PLEKHG5: variants seen among roughly 807,000 people sequenced by gnomAD.
PLEKHG5 encodes pleckstrin homology domain-containing family G member 5.
A neutral mutation model predicts 103.8 loss-of-function variants in PLEKHG5; 52 were observed. The ratio of observed to expected loss-of-function variants is 0.50; its 90% CI spans 0.40 to 0.63. The LOEUF (loss-of-function observed/expected upper bound fraction) is 0.63. Among genes scored for constraint, PLEKHG5 ranks in the 30% least tolerant of loss-of-function variants. The pLI is 0.00. For synonymous variants in PLEKHG5, 592 were observed against 575.5 expected, an observed-to-expected ratio of 1.03 and a Z score of -0.41; for missense variants, 1,205 against 1,347.6, an observed-to-expected ratio of 0.89 and a Z score of 1.66.
At position 6,467,824 on chromosome 1, in the gene PLEKHG5, C is replaced by G. The variant is rs1392113464; in HGVS notation, c.3011+1G>C. ...GCCCTACCCCAGTCCAGGCCACTCA[C>G]GAGGCAGTGAGCGTGGAGTTAAGCA... is the stretch of plus-strand genomic sequence containing the variant. On this transcript the variant is annotated splice_donor_variant, in intron 20 of 20. Transcript: ENST00000377728. LOFTEE classifies it high-confidence loss of function. 1 of 1,613,104 alleles carries G rather than the reference C, an allele frequency of 6.2e-7. No homozygotes were observed. Among genetic ancestry groups the G allele is most frequent in the East Asian group, 2.2e-5 (1 of 44,870 alleles).
chr1:6,496,462 C>G, upstream of PLEKHG5: 4 of 1,555,008 alleles, frequency 2.6e-6, 1 homozygote, highest in South Asian at 4.5e-5. Flanking sequence ...CCTCTGCCCC[C>G]GAGGGTCCCC....
intron 1 of PLEKHG5, among the ~76,000 whole-genome samples, chr1:6,518,183 C>T (rs1638678860): frequency 1.3e-5 from 2 of 152,020 alleles, no homozygotes; most frequent in South Asian, 4.1e-4. Context: ...CCGCCCGCCT[C>T]AGCCTCCCAA....
chr1:6,507,607 G>A (rs545492800), intron 1 of PLEKHG5, among the ~76,000 whole-genome samples: 1 of 152,326 alleles, frequency 6.6e-6, no homozygotes, highest in African/African-American at 2.4e-5. Context: ...GGCAGCAGAA[G>A]GCTCTGTTTC....
upstream of PLEKHG5, chr1:6,497,067 CT>C: frequency 6.7e-7 from 1 of 1,491,696 alleles, no homozygotes; most frequent in Non-Finnish European, 8.9e-7. The surrounding 1 kb of genome is among the most constrained non-coding windows in gnomAD (Gnocchi z 6.1). Flanking sequence ...CAAGCTGCCT[CT>C]CTTCCTGGGG....
At chr1:6,485,193 GCATCCTT>G in intron 1 of PLEKHG5, 1 of 589,882 alleles carries the variant, frequency 1.7e-6, no homozygotes, top group Non-Finnish European at 2.5e-6. Flanking sequence ...GCCATGGGCC[GCATCCTT>G]CCCCTGGGGG....
rs1303230610 is a variant in PLEKHG5 at position 6,505,805 on chromosome 1, G to C, written c.-164-9236C>G. On this transcript the variant is annotated intron_variant, in intron 1 of 21. Transcript: ENST00000377740. The surrounding 1 kb of genome is among the most constrained non-coding windows in gnomAD (Gnocchi z 4.2). The stretch of plus-strand genomic sequence containing the variant: ...CCAGGCCAGCCCTGGAGGAAGGACA[G>C]CCTCCTCAGCTGCTTGCCTGCCCTC... 1.3e-5 allele frequency among the ~76,000 whole-genome samples: 2 copies of C among 152,344 alleles called. No individual in the cohort carries two copies. Among genetic ancestry groups the C allele is most frequent in the African/African-American group, 4.8e-5 (2 of 41,582 alleles).
At chr1:6,497,950 C>T (rs1344873971), upstream of PLEKHG5, among the ~76,000 whole-genome samples, 1 of 152,172 alleles carries the variant, frequency 6.6e-6, no homozygotes, top group Admixed American at 6.5e-5. The surrounding 1 kb of genome is among the most constrained non-coding windows in gnomAD (Gnocchi z 6.1). Context: ...GTGCCCAGAC[C>T]GAGCTGCAGA....
Position 6,477,591 on chromosome 1 carries a change from T to A in PLEKHG5, c.-20A>T, listed in dbSNP as rs1446637849. On this transcript the variant is annotated 5_prime_UTR_variant, in exon 2 of 21. It removes the in-frame stop codon of an upstream open reading frame in the 5' UTR. Coordinates refer to ENST00000377728, the MANE Select transcript of PLEKHG5 (RefSeq NM_020631.6). ...ATGCATGGTGCTGTGGAACTTGCTG[T>A]CACAGGCCTCGCAGAGGTTGAGGGG... 6.2e-7 allele frequency: 1 copy of A among 1,612,010 alleles called. No individual in the cohort carries two copies. Among genetic ancestry groups the A allele is most frequent in the South Asian group, 1.1e-5 (1 of 91,078 alleles).
chr1:6,500,087 G>T (rs1242768598), upstream of PLEKHG5, among the ~76,000 whole-genome samples: 1 of 152,182 alleles, frequency 6.6e-6, no homozygotes, highest in Non-Finnish European at 1.5e-5. Context: ...TAGTTGTTGA[G>T]CCATCTACAT....
intron 12 of PLEKHG5, 38 bp downstream of exon 12, chr1:6,471,450 G>T (rs759706090): frequency 1.9e-6 from 3 of 1,594,988 alleles, no homozygotes; most frequent in Non-Finnish European, 2.6e-6. Context: ...CCCCAGCCCT[G>T]CCTCAGTGCC....
chr1:6,471,948 T>A, intron 10 of PLEKHG5, 140 bp from the exon 11 acceptor site: 1 of 860,686 alleles, frequency 1.2e-6, no homozygotes, highest in Non-Finnish European at 1.9e-6. Context: ...AAGAAGGCTG[T>A]ACCCTTTGGC....
chr1:6,473,109 C>G lies in PLEKHG5; in HGVS notation c.861G>C (p.Arg287Ser). Residue 287 changes from arginine to serine, a missense_variant, in exon 9 of 21, where the codon AGG (arginine) becomes AGC (serine). By Grantham distance (110) the Arg-to-Ser change is moderately radical. Coordinates refer to ENST00000377728, the MANE Select transcript of PLEKHG5 (RefSeq NM_020631.6). ...GGTCGAAGCGCAGCCCCCGGGGCAG[C>G]CTGGGCAGCCCGAAGAGGCTGTAGG... ...LHTYSLFGLP[R>S]LPRGLRFDHD... 1 of 1,613,972 alleles carries G rather than the reference C, an allele frequency of 6.2e-7. No homozygotes were observed. The highest frequency in any genetic ancestry group is 8.5e-7 in the Non-Finnish European group (1 of 1,179,932).
At chr1:6,506,900 C>A (rs1638340317) in intron 1 of PLEKHG5, among the ~76,000 whole-genome samples, 1 of 151,904 alleles carries the variant, frequency 6.6e-6, no homozygotes, top group Non-Finnish European at 1.5e-5. Flanking sequence ...ACACCAATGG[C>A]AGCGCAGGCA....
chr1:6,471,509 G>C lies in PLEKHG5; in HGVS notation c.1260C>G (p.Asp420Glu). 6.2e-7 allele frequency: 1 copy of C among 1,610,680 alleles called. No individual in the cohort carries two copies. The highest frequency in any genetic ancestry group is 8.5e-7 in the Non-Finnish European group (1 of 1,179,118). The change falls in exon 12 of 21, where the codon GAC becomes GAG. Residue 420 changes from aspartate to glutamate, a missense_variant. Physicochemically the swap from Asp to Glu is conservative, Grantham distance 45. Transcript: ENST00000377728. Reference protein sequence around the residue: ...RRTRALLQPGDFLKGFKMFGS... With the variant: ...RRTRALLQPGEFLKGFKMFGS... ...GTACCATCTTGAAGCCTTTGAGGAA[G>C]TCCCCGGGCTGTAGCAGCGCTCGCG...
upstream of PLEKHG5, among the ~76,000 whole-genome samples, chr1:6,501,053 G>A (rs574248411): frequency 3.9e-4 from 59 of 152,316 alleles, no homozygotes; most frequent in Non-Finnish European, 6.3e-4. The surrounding 1 kb of genome is among the most constrained non-coding windows in gnomAD (Gnocchi z 4.3). Context: ...ACTTTGAAAA[G>A]TCAGGAGATT....
At position 6,477,672 on chromosome 1, in the gene PLEKHG5, A is replaced by G; in HGVS notation, c.-87-14T>C. 1 of 1,599,592 alleles carries G rather than the reference A, an allele frequency of 6.3e-7. No homozygotes were observed. Among genetic ancestry groups the G allele is most frequent in the South Asian group, 1.1e-5 (1 of 91,046 alleles). On this transcript the variant is annotated splice_polypyrimidine_tract_variant and intron_variant, in intron 1 of 20. Transcript: ENST00000377728. Reference sequence around the variant, plus strand: ...GTGGTGACATACCTGGGGTGGGGACAGAAGCCTTCAGGAGGTCCACGAGAT... The same window carrying G: ...GTGGTGACATACCTGGGGTGGGGACGGAAGCCTTCAGGAGGTCCACGAGAT...
upstream of PLEKHG5, chr1:6,496,991 C>T: frequency 6.5e-7 from 1 of 1,527,968 alleles, no homozygotes; most frequent in Non-Finnish European, 8.7e-7. Flanking sequence ...GACAGAGGAG[C>T]CCCCGAAGGT....
At chr1:6,516,977 G>T (rs914116333) in intron 1 of PLEKHG5, among the ~76,000 whole-genome samples, 120 of 150,366 alleles carry the variant, frequency 8.0e-4, no homozygotes, top group African/African-American at 2.7e-3. Flanking sequence ...GCTGGGCAAG[G>T]TGGCTCACAC....
intron 1 of PLEKHG5, among the ~76,000 whole-genome samples, chr1:6,512,146 C>A (rs967916571): frequency 6.6e-6 from 1 of 152,210 alleles, no homozygotes; most frequent in African/African-American, 2.4e-5. Flanking sequence ...AGGCTCGGGA[C>A]GCCTGGAGAC....
Sources: allele counts gnomAD v4.1 joint callset (sites outside exome capture counted in the v4.1 genomes callset), GRCh38; gene constraint gnomAD v4.1.1; non-coding constraint Gnocchi (gnomAD v3.1); transcripts MANE v1.5; gene names NCBI Gene and HGNC (gene_info 2026-07-23, HGNC 2026-07-21).